SLC13A1: variants seen among roughly 807,000 people sequenced by gnomAD.
SLC13A1 encodes the protein Na(+)/sulfate cotransporter.
Under a neutral mutation model 70.0 loss-of-function variants are expected in SLC13A1, and 65 were observed. The observed-to-expected ratio is 0.93, with a 90% CI of 0.76 to 1.14. SLC13A1 has a LOEUF of 1.14. Ranked by LOEUF, SLC13A1 falls within the 50% of genes most tolerant of loss-of-function variation. SLC13A1 has a pLI of 0.00. For synonymous variants in SLC13A1, 275 were observed against 250.5 expected, an observed-to-expected ratio of 1.10 and a Z score of -0.92; for missense variants, 726 against 717.8, an observed-to-expected ratio of 1.01 and a Z score of -0.13.
intron 1 of SLC13A1, among the ~76,000 whole-genome samples, chr7:123,193,050 T>A (rs1431569057): frequency 6.6e-6 from 1 of 152,152 alleles, no homozygotes; most frequent in African/African-American, 2.4e-5. Context: ...ATGCATTGTT[T>A]TCATACTCTG....
Position 123,178,039 on chromosome 7 carries a change from A to C in SLC13A1, c.228+2934T>G, listed in dbSNP as rs533768282. ...TCTTTCTCTCTCTCTCTCTCTATAT[A>C]TATATATATATCTCCATACATGTGT... On this transcript the variant is annotated intron_variant, in intron 2 of 14. Transcript: ENST00000194130. Among the ~76,000 whole-genome samples the C allele has an allele frequency of 2.0e-3, 241 of 118,528 alleles. 1 individual carries two copies. Among genetic ancestry groups the C allele is most frequent in the African/African-American group, 4.5e-3 (154 of 34,068 alleles). 77.8% of individuals were successfully genotyped at this position (118,528 alleles called of 152,430 possible). A position where few individuals can be genotyped will look rare whatever the true frequency, so the allele number is the denominator to read the frequency against.
intron 6 of SLC13A1, among the ~76,000 whole-genome samples, chr7:123,165,335 A>G (rs1795034488): frequency 6.6e-6 from 1 of 152,144 alleles, no homozygotes; most frequent in African/African-American, 2.4e-5. Flanking sequence ...TCAACATTCA[A>G]AAGCCTCGCT....
intron 6 of SLC13A1, chr7:123,148,660 T>C (rs1263102832): frequency 1.6e-5 from 5 of 303,112 alleles, no homozygotes; most frequent in Middle Eastern, 4.0e-4. Flanking sequence ...GTCAGGAGAA[T>C]AGCTTCATTT....
chr7:123,199,162 T>G (rs1236150043), intron 1 of SLC13A1, among the ~76,000 whole-genome samples: 1 of 152,116 alleles, frequency 6.6e-6, no homozygotes, highest in Non-Finnish European at 1.5e-5. Context: ...CTGATTCAAA[T>G]CATTTTACCA....
At chr7:123,119,292 T>C (rs779427481) in intron 12 of SLC13A1, 50 bp from the exon 13 acceptor site, 1 of 1,231,616 alleles carries the variant, frequency 8.1e-7, no homozygotes, top group South Asian at 1.4e-5. Flanking sequence ...TTCTTTGTAA[T>C]CAGACACAAT....
At chr7:123,130,622 C>T (rs1028901498) in intron 8 of SLC13A1, among the ~76,000 whole-genome samples, 1 of 152,032 alleles carries the variant, frequency 6.6e-6, no homozygotes, top group Non-Finnish European at 1.5e-5. Context: ...GGGCTTAATA[C>T]CTAGGTGATG....
At chr7:123,169,017 T>C (rs1226509798) in intron 4 of SLC13A1, 131 bp downstream of exon 4, 15 of 755,358 alleles carry the variant, frequency 2.0e-5, no homozygotes, top group Middle Eastern at 3.1e-4. Context: ...CTGAGAACTA[T>C]AGAGGGAAGA....
rs1443738745 is a variant in SLC13A1 at position 123,114,297 on chromosome 7, A to T, written c.*1221T>A. On this transcript the variant is annotated 3_prime_UTR_variant, in exon 15 of 15. Transcript: ENST00000194130. ...ATTTATTGATATATAATATTTGTAC[A>T]TATTTTGGGGGTGTATGTGATATTT... 6.6e-6 allele frequency: 1 copy of T among 151,898 alleles called. No individual in the cohort carries two copies. The highest frequency in any genetic ancestry group is 2.4e-5 in the African/African-American group (1 of 41,356). The allele number at this position is 151,898 out of a possible 1,614,324, so 9.4% of individuals were successfully genotyped here.
intron 1 of SLC13A1, among the ~76,000 whole-genome samples, chr7:123,184,926 T>G (rs139776301): frequency 8.0e-4 from 122 of 152,222 alleles, no homozygotes; most frequent in African/African-American, 2.8e-3. Flanking sequence ...TGTACTAAGT[T>G]ACATTTCTGC....
At chr7:123,147,381 C>A in intron 6 of SLC13A1, 71 bp from the exon 7 acceptor site, 1 of 1,496,838 alleles carries the variant, frequency 6.7e-7, no homozygotes, top group Non-Finnish European at 9.1e-7. Flanking sequence ...ATTTGTGTCC[C>A]ACCACCCGCA....
At chr7:123,156,610 C>G (rs558426537) in intron 6 of SLC13A1, among the ~76,000 whole-genome samples, 1 of 152,144 alleles carries the variant, frequency 6.6e-6, no homozygotes, top group Non-Finnish European at 1.5e-5. Flanking sequence ...TTTAATTAAA[C>G]CAGCCTTCCT....
chr7:123,125,958 T>C (rs959475691), intron 10 of SLC13A1, among the ~76,000 whole-genome samples: 1 of 152,204 alleles, frequency 6.6e-6, no homozygotes, highest in Admixed American at 6.5e-5. Context: ...AGTGGCAAAT[T>C]TCCCTTTTAG....
At chr7:123,179,129 A>G (rs1336480261) in intron 2 of SLC13A1, among the ~76,000 whole-genome samples, 1 of 152,128 alleles carries the variant, frequency 6.6e-6, no homozygotes, top group African/African-American at 2.4e-5. Flanking sequence ...AGGTGGGAAG[A>G]AATAAGGAGG....
At chr7:123,150,751 A>G (rs1441433936) in intron 6 of SLC13A1, among the ~76,000 whole-genome samples, 1 of 152,018 alleles carries the variant, frequency 6.6e-6, no homozygotes, top group Non-Finnish European at 1.5e-5. Flanking sequence ...TTTTTACTGA[A>G]AAAACTCTGC....
chr7:123,178,096 T>G (rs1205520863), intron 2 of SLC13A1, among the ~76,000 whole-genome samples: 1 of 151,952 alleles, frequency 6.6e-6, no homozygotes, highest in African/African-American at 2.4e-5. Flanking sequence ...AAATTTATAT[T>G]TAAATATTTT....
chr7:123,129,387 T>C lies in SLC13A1; in HGVS notation c.1027A>G (p.Ile343Val). ...IKQEYQKLGP[I>V]RYQEIVTLVL... The stretch of plus-strand genomic sequence containing the variant: ...GTGTGTGTGTGTTTGTCTTACCTTA[T>C]TGGCCCAAGCTTTTGGTATTCTTGC... Residue 343 changes from isoleucine to valine, a missense_variant, in exon 9 of 15, where the codon ATA becomes GTA. Coordinates refer to ENST00000194130, the MANE Select transcript of SLC13A1 (RefSeq NM_022444.4). The C allele has an allele frequency of 6.4e-7, 1 of 1,571,696 alleles. No individual in the cohort carries two copies. Among genetic ancestry groups the C allele is most frequent in the Admixed American group, 1.8e-5 (1 of 55,260 alleles).
intron 1 of SLC13A1, among the ~76,000 whole-genome samples, chr7:123,182,421 T>C (rs550886204): frequency 1.3e-5 from 2 of 152,240 alleles, no homozygotes; most frequent in South Asian, 4.1e-4. Context: ...CTAGCCACTA[T>C]CTTGATCCTA....
chr7:123,158,469 G>A (rs1402500413), intron 6 of SLC13A1, among the ~76,000 whole-genome samples: 2 of 152,020 alleles, frequency 1.3e-5, no homozygotes, highest in Non-Finnish European at 2.9e-5. Flanking sequence ...AGAAACCACA[G>A]TGAGAAAGTG....
intron 14 of SLC13A1, among the ~76,000 whole-genome samples, chr7:123,116,021 T>C (rs1793169123): frequency 1.3e-5 from 2 of 152,240 alleles, no homozygotes; most frequent in African/African-American, 4.8e-5. Context: ...GGAAAATCCC[T>C]TAGAAATCTG....
Sources: allele counts gnomAD v4.1 joint callset (sites outside exome capture counted in the v4.1 genomes callset), GRCh38; gene constraint gnomAD v4.1.1; transcripts MANE v1.5; gene names NCBI Gene and HGNC (gene_info 2026-07-23, HGNC 2026-07-21).